GOLPH3: variants seen among roughly 807,000 people sequenced by gnomAD.
The protein encoded by GOLPH3 is golgi phosphoprotein 3.
GOLPH3 carries 14 observed loss-of-function variants against 28.5 expected under a neutral mutation model. That is an observed-to-expected ratio of 0.49 (90% confidence interval 0.32 to 0.77). The LOEUF is 0.77. GOLPH3 is among the 30% of genes least tolerant of loss of function. GOLPH3 has a pLI of 0.03. For missense variants in GOLPH3, 350 were observed against 393.7 expected (o/e 0.89, Z 0.94); for synonymous variants, 158 against 159.2 (o/e 0.99, Z 0.06).
At chr5:32,140,802 C>CAAA (rs553950121) in intron 2 of GOLPH3, among the ~76,000 whole-genome samples, 7 of 73,672 alleles carry the variant, frequency 9.5e-5, no homozygotes, top group East Asian at 3.6e-4. Context: ...ACTCTGTCTC[C>CAAA]AAAAAAAAAA....
rs112561478 is a variant in GOLPH3, at chr5:32,162,804, C to T, written c.225+11006G>A. 2.0e-5 allele frequency among the ~76,000 whole-genome samples: 3 copies of T among 152,310 alleles called. No homozygotes were observed. In the East Asian group the frequency reaches 5.8e-4, roughly 29 times the overall value. ...ACACAAAAGTAGGCCCATGGCCGGG[C>T]GCGGTGGCTCACGCCTGTAATCCCA... On this transcript the variant is annotated intron_variant, in intron 1 of 3. Transcript: ENST00000265070.
intron 1 of GOLPH3, among the ~76,000 whole-genome samples, chr5:32,153,638 A>G (rs1746358185): frequency 6.6e-6 from 1 of 152,238 alleles, no homozygotes; most frequent in Non-Finnish European, 1.5e-5. Context: ...GCCAATGCAA[A>G]TATTTGAAGA....
intron 2 of GOLPH3, among the ~76,000 whole-genome samples, chr5:32,140,953 A>G (rs2111851926): frequency 6.6e-6 from 1 of 152,274 alleles, no homozygotes; most frequent in South Asian, 2.1e-4. Context: ...ACTTGAGCCC[A>G]GGAGTTCGAG....
intron 1 of GOLPH3, among the ~76,000 whole-genome samples, chr5:32,150,767 C>T (rs1022048513): frequency 1.3e-5 from 2 of 151,972 alleles, no homozygotes; most frequent in African/African-American, 2.4e-5. Flanking sequence ...TTGATTCTCA[C>T]GCTGGTGCTG....
intron 1 of GOLPH3, among the ~76,000 whole-genome samples, chr5:32,148,581 A>C (rs1028417171): frequency 6.6e-6 from 1 of 152,170 alleles, no homozygotes; most frequent in African/African-American, 2.4e-5. Flanking sequence ...GCAGATCACG[A>C]TGTCAGGAGA....
At chr5:32,157,995 AAAT>A (rs1746469721) in intron 1 of GOLPH3, among the ~76,000 whole-genome samples, 1 of 93,782 alleles carries the variant, frequency 1.1e-5, no homozygotes, top group African/African-American at 5.1e-5. Flanking sequence ...ATAAATAAAT[AAAT>A]AAATAAATAA....
chr5:32,167,424 G>A (rs1046231304), intron 1 of GOLPH3, among the ~76,000 whole-genome samples: 5 of 152,022 alleles, frequency 3.3e-5, no homozygotes, highest in Admixed American at 6.6e-5. Flanking sequence ...CATCCACCTC[G>A]GCTTCCCAAA....
intron 2 of GOLPH3, among the ~76,000 whole-genome samples, chr5:32,136,658 G>T (rs1415109112): frequency 1.3e-5 from 2 of 152,146 alleles, no homozygotes; most frequent in Non-Finnish European, 2.9e-5. Context: ...CAGGCTGAAC[G>T]TCCCTAATCC....
intron 2 of GOLPH3, among the ~76,000 whole-genome samples, chr5:32,143,126 G>A (rs1159289114): frequency 6.6e-6 from 1 of 152,338 alleles, no homozygotes; most frequent in East Asian, 1.9e-4. Flanking sequence ...TTCTGCCTTG[G>A]GATCCTGTTG....
At chr5:32,152,433 C>CT (rs146250761) in intron 1 of GOLPH3, among the ~76,000 whole-genome samples, 66,640 of 127,484 alleles carry the variant, frequency 0.52, 18,784 homozygotes, top group Non-Finnish European at 0.62. Flanking sequence ...CCCCCCCAGC[C>CT]TTTTTTTTTT....
chr5:32,136,566 T>C (rs1365180966), intron 2 of GOLPH3, among the ~76,000 whole-genome samples: 1 of 152,128 alleles, frequency 6.6e-6, no homozygotes, highest in South Asian at 2.1e-4. Context: ...TCACCGAACC[T>C]TGGACTATGT....
intron 2 of GOLPH3, among the ~76,000 whole-genome samples, chr5:32,142,470 G>A (rs1746091752): frequency 1.3e-5 from 2 of 150,264 alleles, no homozygotes; most frequent in South Asian, 2.1e-4. Context: ...CCGGGAGGGA[G>A]GTGGGGGGGT....
At chr5:32,152,614 T>G (rs1297627784) in intron 1 of GOLPH3, among the ~76,000 whole-genome samples, 1 of 150,466 alleles carries the variant, frequency 6.6e-6, no homozygotes, top group Non-Finnish European at 1.5e-5. Context: ...AAATGCTGTC[T>G]CTACTAAAAA....
chr5:32,163,626 C>A (rs539612707), intron 1 of GOLPH3, among the ~76,000 whole-genome samples: 2 of 152,216 alleles, frequency 1.3e-5, no homozygotes, highest in East Asian at 1.9e-4. Context: ...GCACTCCAGT[C>A]TGGCGACAGA....
chr5:32,162,746 T>C (rs1746614688), intron 1 of GOLPH3, among the ~76,000 whole-genome samples: 1 of 152,188 alleles, frequency 6.6e-6, no homozygotes, highest in South Asian at 2.1e-4. Flanking sequence ...GCCAACACAT[T>C]GGATCCCTAC....
intron 1 of GOLPH3, chr5:32,173,597 C>A: frequency 2.6e-6 from 1 of 379,952 alleles, no homozygotes; most frequent in Admixed American, 4.6e-5. Context: ...CAAGCCATCT[C>A]TACGGGGAGG....
rs1561679267 is a variant in GOLPH3, at chr5:32,158,130, A to AACAC, written c.226-14251_226-14250insGTGT. Reference sequence around the variant, plus strand: ...AATAAATAAATAAATAAATAAATAAAATACACACACACACACACACACACA... The same window carrying AACAC: ...AATAAATAAATAAATAAATAAATAAAACACATACACACACACACACACACACACA... On this transcript the variant is annotated intron_variant, in intron 1 of 3. Coordinates refer to ENST00000265070, the MANE Select transcript of GOLPH3 (RefSeq NM_022130.4). Among the ~76,000 whole-genome samples, 2 of 34,806 alleles carry AACAC rather than the reference A, an allele frequency of 5.7e-5. 1 individual carries two copies. Among genetic ancestry groups the AACAC allele is most frequent in the Non-Finnish European group, 1.2e-4 (2 of 16,202 alleles). 22.8% of individuals were successfully genotyped at this position (34,806 alleles called of 152,430 possible). A position where few individuals can be genotyped will look rare whatever the true frequency, so the allele number is the denominator to read the frequency against.
At position 32,125,244 on chromosome 5, in the gene GOLPH3, C is replaced by G. The variant is rs116351167; in HGVS notation, c.*968G>C. 0.017 allele frequency: 2,568 copies of G among 152,554 alleles called. 40 individuals carry two copies. The highest frequency in any genetic ancestry group is 0.056 in the South Asian group (271 of 4,810). The allele number at this position is 152,554 out of a possible 1,614,324, so 9.5% of individuals were successfully genotyped here. A position where few individuals can be genotyped will look rare whatever the true frequency, so the allele number is the denominator to read the frequency against. On this transcript the variant is annotated 3_prime_UTR_variant, in exon 4 of 4. Coordinates refer to ENST00000265070, the MANE Select transcript of GOLPH3 (RefSeq NM_022130.4). Reference sequence around the variant, plus strand: ...TTACTTGTGGACAGAAAAAGAAACTCAAGATTGGTACTGGTCACAAGCCTC... The same window carrying G: ...TTACTTGTGGACAGAAAAAGAAACTGAAGATTGGTACTGGTCACAAGCCTC...
At chr5:32,154,969 G>C (rs190508335) in intron 1 of GOLPH3, among the ~76,000 whole-genome samples, 7 of 152,186 alleles carry the variant, frequency 4.6e-5, no homozygotes, top group African/African-American at 1.7e-4. Context: ...TGTAATCCCA[G>C]CTACTTGGTA....
Sources: allele counts gnomAD v4.1 joint callset (sites outside exome capture counted in the v4.1 genomes callset), GRCh38; gene constraint gnomAD v4.1.1; transcripts MANE v1.5; gene names NCBI Gene and HGNC (gene_info 2026-07-23, HGNC 2026-07-21).